Variants in OPHN1 observed in about 807,000 individuals in gnomAD.
The protein encoded by OPHN1 is oligophrenin 1.
In OPHN1, 11 loss-of-function variants were observed where a neutral mutation model predicts 60.7. The observed-to-expected ratio is 0.18, with a 90% CI of 0.11 to 0.30. The LOEUF (loss-of-function observed/expected upper bound fraction) is 0.30. OPHN1 is among the 10% of genes least tolerant of loss of function. The probability of loss-of-function intolerance (pLI) is 1.00; values close to 1 mark genes in which losing one functional copy is unlikely to be tolerated. For synonymous variants in OPHN1, 226 were observed against 222.6 expected, an observed-to-expected ratio of 1.02 and a Z score of -0.14; for missense variants, 449 against 611.0, an observed-to-expected ratio of 0.73 and a Z score of 2.80.
At chrX:68,380,946 A>C (rs186975318) in intron 2 of OPHN1, among the ~76,000 whole-genome samples, 1 of 111,483 alleles carries the variant, frequency 9.0e-6, no homozygotes, top group Non-Finnish European at 1.9e-5. Flanking sequence ...TAGAGAAGTG[A>C]AGTGACCTAA....
At chrX:68,186,383 G>GA (rs1398155176) in intron 15 of OPHN1, among the ~76,000 whole-genome samples, 2 of 109,756 alleles carry the variant, frequency 1.8e-5, no homozygotes, top group Non-Finnish European at 3.8e-5. Flanking sequence ...CAGAAATCAA[G>GA]AGGGTAAATT....
intron 5 of OPHN1, among the ~76,000 whole-genome samples, chrX:68,257,144 T>C (rs1188439151): frequency 1.8e-5 from 2 of 112,324 alleles, no homozygotes; most frequent in Non-Finnish European, 3.8e-5. Context: ...AAAGCAAAAT[T>C]TTTGTGACTC....
At chrX:68,311,052 C>T (rs1400383033) in intron 2 of OPHN1, among the ~76,000 whole-genome samples, 2 of 111,272 alleles carry the variant, frequency 1.8e-5, no homozygotes, top group Non-Finnish European at 3.8e-5. Context: ...ACCAAGAGTT[C>T]GAGACCAGCC....
At position 68,047,720 on chromosome X, in the gene OPHN1, A is replaced by G. The variant is rs1301864979; in HGVS notation, c.*9-557T>C. Among the ~76,000 whole-genome samples the G allele has an allele frequency of 2.7e-5, 3 of 111,922 alleles. No individual in the cohort carries two copies. The Admixed American group carries it at 2.8e-4, about 11-fold the overall frequency. On this transcript the variant is annotated intron_variant, in intron 24 of 24. Coordinates refer to ENST00000355520, the MANE Select transcript of OPHN1 (RefSeq NM_002547.3). ...CAGAACTCCTATGATAGAGAAAGGA[A>G]TTTCCCTGACCTCTGAGTCTCCTGT...
chrX:68,078,599 C>G (rs919883601), intron 19 of OPHN1, among the ~76,000 whole-genome samples: 8 of 111,318 alleles, frequency 7.2e-5, no homozygotes, highest in African/African-American at 1.6e-4. Context: ...AGAAGACATC[C>G]TTGCTGAGCC....
intron 15 of OPHN1, chrX:68,132,996 A>G (rs2077204008): frequency 2.1e-6 from 1 of 472,740 alleles, no homozygotes; most frequent in Admixed American, 2.8e-5. Flanking sequence ...CCGGACGCCA[A>G]GCCGCCGCCG....
intron 2 of OPHN1, among the ~76,000 whole-genome samples, chrX:68,317,623 GAAGGA>G (rs2078214817): frequency 2.2e-5 from 2 of 92,181 alleles, no homozygotes; most frequent in African/African-American, 8.7e-5. Flanking sequence ...GGGAGTGAGG[GAAGGA>G]GAAAAGAAAA....
At chrX:68,271,602 C>T (rs889202895) in intron 5 of OPHN1, among the ~76,000 whole-genome samples, 3 of 110,521 alleles carry the variant, frequency 2.7e-5, no homozygotes, top group Non-Finnish European at 3.8e-5. Context: ...TGATTTGGCC[C>T]GGTGGTTCAT....
chrX:68,228,616 T>C (rs1391806403), intron 6 of OPHN1, among the ~76,000 whole-genome samples: 1 of 110,855 alleles, frequency 9.0e-6, no homozygotes, highest in Non-Finnish European at 1.9e-5. Context: ...CATACACAAA[T>C]CAATAAATGT....
intron 2 of OPHN1, among the ~76,000 whole-genome samples, chrX:68,398,960 AGTGTGTGTGTGTGTGT>A (rs113103699): frequency 5.2e-4 from 50 of 95,240 alleles, no homozygotes; most frequent in African/African-American, 1.6e-3. Context: ...AAACAAAAAA[AGTGTGTGTGTGTGTGT>A]GTGTGTGTGT....
chrX:68,362,911 T>C (rs1212650245), intron 2 of OPHN1, among the ~76,000 whole-genome samples: 1 of 111,206 alleles, frequency 9.0e-6, no homozygotes, highest in Non-Finnish European at 1.9e-5. Context: ...GAGGACTCTG[T>C]ACTTTCTCCT....
intron 2 of OPHN1, among the ~76,000 whole-genome samples, chrX:68,395,516 C>T (rs770928860): frequency 9.3e-6 from 1 of 107,274 alleles, no homozygotes; most frequent in African/African-American, 3.4e-5. Flanking sequence ...GGCACGATCT[C>T]GGCTCACTGC....
intron 11 of OPHN1, 109 bp from the exon 12 acceptor site, chrX:68,197,373 A>AT: frequency 3.6e-6 from 2 of 560,291 alleles, no homozygotes. Context: ...CTGAACAAGC[A>AT]TAGGCTTACA....
At chrX:68,213,197 T>A (rs1252341778) in intron 7 of OPHN1, among the ~76,000 whole-genome samples, 1 of 111,199 alleles carries the variant, frequency 9.0e-6, no homozygotes, top group Non-Finnish European at 1.9e-5. Flanking sequence ...GGTGAAACCT[T>A]ATCTCTACAA....
intron 5 of OPHN1, among the ~76,000 whole-genome samples, chrX:68,271,856 G>A (rs1263932859): frequency 9.1e-6 from 1 of 110,292 alleles, no homozygotes; most frequent in Non-Finnish European, 1.9e-5. Context: ...GGGGTCTACA[G>A]AAGGAAGCTG....
intron 15 of OPHN1, among the ~76,000 whole-genome samples, chrX:68,120,749 T>G (rs1160885638): frequency 8.9e-6 from 1 of 112,218 alleles, no homozygotes; most frequent in Non-Finnish European, 1.9e-5. Context: ...TATTATGAAG[T>G]TATTATAATC....
intron 6 of OPHN1, among the ~76,000 whole-genome samples, chrX:68,226,277 G>A (rs1026535430): frequency 3.6e-5 from 4 of 111,762 alleles, no homozygotes; most frequent in African/African-American, 6.5e-5. Flanking sequence ...AAGTGACGGC[G>A]AGAATGGAAC....
At chrX:68,296,529 G>A (rs1002302985) in intron 3 of OPHN1, among the ~76,000 whole-genome samples, 4 of 108,549 alleles carry the variant, frequency 3.7e-5, no homozygotes, top group Admixed American at 3.0e-4. Flanking sequence ...ATCATGGCGG[G>A]TGCCTGTAAT....
intron 15 of OPHN1, chrX:68,133,309 C>A: frequency 1.6e-6 from 1 of 622,072 alleles, no homozygotes; most frequent in Non-Finnish European, 2.7e-6. Context: ...ACTATGAAGA[C>A]AAGATTCAGG....
Sources: gnomAD v4.1 joint callset for allele counts (sites outside exome capture counted in the v4.1 genomes callset) on GRCh38, gnomAD v4.1.1 for gene constraint, MANE v1.5 for transcripts, NCBI Gene and HGNC (gene_info 2026-07-23, HGNC 2026-07-21) for gene names.